PDGFRL: variants seen among roughly 807,000 people sequenced by gnomAD.
PDGFRL encodes platelet derived growth factor receptor like.
A neutral mutation model predicts 37.2 loss-of-function variants in PDGFRL; 46 were observed. That is an observed-to-expected ratio of 1.24 (90% CI 0.98 to 1.58). The LOEUF (loss-of-function observed/expected upper bound fraction) is 1.58. Ranked by LOEUF, PDGFRL falls within the 40% of genes most tolerant of loss-of-function variation. The pLI, the probability that PDGFRL is intolerant of heterozygous loss-of-function variation, is 0.00. For synonymous variants in PDGFRL, 251 were observed against 184.3 expected (o/e 1.36, Z -2.93); for missense variants, 692 against 467.6 (o/e 1.48, Z -4.43).
chr8:17,623,347 C>G (rs567141222), intron 3 of PDGFRL, among the ~76,000 whole-genome samples: 3 of 152,328 alleles, frequency 2.0e-5, no homozygotes, highest in Admixed American at 6.5e-5. Context: ...CATTTTGGAA[C>G]TCGCTACACA....
Position 17,634,335 on chromosome 8 carries a change from CAT to C in PDGFRL, c.939+123_939+124del, listed in dbSNP as rs1423403530. ...GCCATAACTTCAGAAGTGCAAGAAA[CAT>C]GTGGGGCTATGTTGGGGGCCAGGTA... On this transcript the variant is annotated intron_variant, in intron 5 of 5. Transcript: ENST00000251630. 4 of 727,588 alleles carry C rather than the reference CAT, an allele frequency of 5.5e-6. No homozygotes were observed. The Admixed American group carries it at 7.8e-5, about 14-fold the overall frequency. 45.1% of individuals were successfully genotyped at this position (727,588 alleles called of 1,614,324 possible).
chr8:17,577,601 C>T (rs1263220973), intron 1 of PDGFRL, among the ~76,000 whole-genome samples: 1 of 151,740 alleles, frequency 6.6e-6, no homozygotes, highest in Non-Finnish European at 1.5e-5. Flanking sequence ...CCCCAGCCAG[C>T]GCCTGGTCCA....
chr8:17,639,646 C>A (rs1272638797), intron 5 of PDGFRL, among the ~76,000 whole-genome samples: 4 of 152,288 alleles, frequency 2.6e-5, no homozygotes, highest in African/African-American at 9.6e-5. Flanking sequence ...GAGGAATCTG[C>A]TGTTAATCTG....
At chr8:17,639,682 G>C (rs1805050852) in intron 5 of PDGFRL, among the ~76,000 whole-genome samples, 1 of 152,086 alleles carries the variant, frequency 6.6e-6, no homozygotes, top group African/African-American at 2.4e-5. Context: ...TAAGTTATCT[G>C]GTGCTTTTGC....
chr8:17,623,241 G>C (rs1200253623), intron 3 of PDGFRL, among the ~76,000 whole-genome samples: 5 of 152,198 alleles, frequency 3.3e-5, no homozygotes, highest in African/African-American at 1.2e-4. Context: ...TGTAGGACAA[G>C]GTGAAGGATG....
chr8:17,591,689 G>A (rs936623494), intron 2 of PDGFRL, among the ~76,000 whole-genome samples: 4 of 152,214 alleles, frequency 2.6e-5, no homozygotes, highest in Admixed American at 2.6e-4. Context: ...GCCAAGGCGG[G>A]CGGATCGTCA....
At chr8:17,640,374 T>A (rs775870262) in intron 5 of PDGFRL, among the ~76,000 whole-genome samples, 3 of 152,146 alleles carry the variant, frequency 2.0e-5, no homozygotes, top group Non-Finnish European at 4.4e-5. Flanking sequence ...ACTACCAGAA[T>A]TGTTTTACTG....
At chr8:17,634,982 T>TA (rs759933210) in intron 5 of PDGFRL, among the ~76,000 whole-genome samples, 25 of 151,316 alleles carry the variant, frequency 1.7e-4, no homozygotes, top group Admixed American at 3.3e-4. Context: ...GGTTTTTTTT[T>TA]AAAAAAAAGG....
At chr8:17,618,207 C>G (rs1804565856) in intron 2 of PDGFRL, among the ~76,000 whole-genome samples, 1 of 152,110 alleles carries the variant, frequency 6.6e-6, no homozygotes, top group Non-Finnish European at 1.5e-5. Flanking sequence ...TACATGCACA[C>G]TACCATGCCT....
rs538420159 is a variant in PDGFRL at position 17,611,555 on chromosome 8, G to A, written c.354-9496G>A. 1.4e-3 allele frequency among the ~76,000 whole-genome samples: 216 copies of A among 152,272 alleles called. 1 individual carries two copies. The highest frequency in any genetic ancestry group is 2.4e-3 in the Non-Finnish European group (165 of 68,024). ...AGATAGAAGAAGAGAGCGCTTCAGAGGGAAAGAGATGCGTGGAGGGCTCAG... is the reference window on the plus strand; with the variant it reads ...AGATAGAAGAAGAGAGCGCTTCAGAAGGAAAGAGATGCGTGGAGGGCTCAG... On this transcript the variant is annotated intron_variant, in intron 2 of 5. Coordinates refer to ENST00000251630, the MANE Select transcript of PDGFRL (RefSeq NM_001372073.1).
At chr8:17,617,511 T>A (rs918684968) in intron 2 of PDGFRL, among the ~76,000 whole-genome samples, 12 of 152,132 alleles carry the variant, frequency 7.9e-5, no homozygotes, top group Non-Finnish European at 1.6e-4. Flanking sequence ...GGACTCAGCC[T>A]GCAGAGGCCC....
chr8:17,641,051 G>T (rs1242721340), intron 5 of PDGFRL, among the ~76,000 whole-genome samples: 3 of 152,042 alleles, frequency 2.0e-5, no homozygotes, highest in Non-Finnish European at 2.9e-5. Flanking sequence ...CCAGGGAAGT[G>T]GGGGAAAGCC....
At chr8:17,634,796 C>A (rs1437052784) in intron 5 of PDGFRL, among the ~76,000 whole-genome samples, 2 of 151,970 alleles carry the variant, frequency 1.3e-5, no homozygotes, top group East Asian at 3.9e-4. Context: ...TAGAGGGGAA[C>A]ACACACTGGG....
In PDGFRL at chr8:17,621,172, A is replaced by T; in HGVS notation, c.475A>T (p.Lys159Ter). The T allele has an allele frequency of 6.2e-7, 1 of 1,610,104 alleles. No homozygotes were observed. The highest frequency in any genetic ancestry group is 8.5e-7 in the Non-Finnish European group (1 of 1,177,308). Residue 159 changes from lysine (K) to a stop codon, truncating the protein, a stop_gained, in exon 3 of 6, where the codon AAA becomes TAA. Transcript: ENST00000251630. LOFTEE classifies it high-confidence loss of function. ...SGYICRKDEA[K>*]TGSTYIFFTE... ...CTACATCTGCAGGAAGGACGAGGCC[A>T]AAACGGGCTCCACCTACATCTTTTT...
At position 17,621,148 on chromosome 8, in the gene PDGFRL, T is replaced by C. The variant is rs1412248176; in HGVS notation, c.451T>C (p.Tyr151His). The change falls in exon 3 of 6, where the codon TAC (tyrosine) becomes CAC (histidine). Residue 151 changes from tyrosine to histidine, a missense_variant. Transcript: ENST00000251630. ...CTGCTGGGTGCAGCTCTGCAGCGGC[T>C]ACATCTGCAGGAAGGACGAGGCCAA... ...FSCWVQLCSG[Y>H]ICRKDEAKTG... is the part of the protein sequence containing the mutation. 1.2e-6 allele frequency: 2 copies of C among 1,611,424 alleles called. No homozygotes were observed. The highest frequency in any genetic ancestry group is 2.2e-5 in the South Asian group (2 of 90,842).
intron 4 of PDGFRL, 36 bp from the exon 5 acceptor site, chr8:17,634,038 G>A (rs754850403): frequency 5.0e-6 from 8 of 1,608,372 alleles, no homozygotes; most frequent in Admixed American, 3.3e-5. Context: ...GGTTACACTC[G>A]GGGTCTCACT....
chr8:17,590,380 A>ATAGAAAACTAT (rs1563507139), intron 2 of PDGFRL, among the ~76,000 whole-genome samples: 2 of 151,958 alleles, frequency 1.3e-5, no homozygotes, highest in Non-Finnish European at 1.5e-5. Flanking sequence ...CCAAAATGTT[A>ATAGAAAACTAT]TAGAAAACTA....
intron 2 of PDGFRL, among the ~76,000 whole-genome samples, chr8:17,613,562 C>T (rs906745050): frequency 2.6e-5 from 4 of 152,032 alleles, no homozygotes; most frequent in African/African-American, 7.2e-5. Flanking sequence ...TGGGGAAGTG[C>T]TTAGGGTGAC....
intron 5 of PDGFRL, among the ~76,000 whole-genome samples, chr8:17,638,153 C>T (rs1296721522): frequency 6.6e-6 from 1 of 152,124 alleles, no homozygotes; most frequent in African/African-American, 2.4e-5. Flanking sequence ...TATTTGTGCT[C>T]TTTCAGACTT....
Sources: gnomAD v4.1 joint callset for allele counts (sites outside exome capture counted in the v4.1 genomes callset) on GRCh38, gnomAD v4.1.1 for gene constraint, MANE v1.5 for transcripts, NCBI Gene and HGNC (gene_info 2026-07-23, HGNC 2026-07-21) for gene names.